Variants in ABI3BP observed in about 807,000 individuals in gnomAD.
ABI3BP encodes ABI family member 3 binding protein, also known as target of Nesh-SH3.
A neutral mutation model predicts 268.6 loss-of-function variants in ABI3BP; 216 were observed. The ratio of observed to expected loss-of-function variants is 0.80; its 90% CI spans 0.72 to 0.90. The LOEUF is 0.90. Among genes scored for constraint, ABI3BP ranks in the 40% least tolerant of loss-of-function variants. The probability of loss-of-function intolerance (pLI) is 0.00; values close to 1 mark genes in which losing one functional copy is unlikely to be tolerated. For synonymous variants in ABI3BP, 730 were observed against 730.0 expected (o/e 1.00, Z 0.00); for missense variants, 2,090 against 2,182.4 (o/e 0.96, Z 0.84).
chr3:100,831,207 G>A (rs1452763969), intron 31 of ABI3BP, among the ~76,000 whole-genome samples: 2 of 152,090 alleles, frequency 1.3e-5, no homozygotes, highest in Non-Finnish European at 1.5e-5. Flanking sequence ...AAGGTGATGG[G>A]TGTCACTCTG....
intron 9 of ABI3BP, among the ~76,000 whole-genome samples, chr3:100,869,074 T>C (rs2099081504): frequency 1.3e-5 from 2 of 152,212 alleles, no homozygotes; most frequent in South Asian, 4.1e-4. Flanking sequence ...GAATATCCCA[T>C]GTTCTCAGTG....
chr3:100,791,422 T>C (rs1560129873), intron 55 of ABI3BP, among the ~76,000 whole-genome samples: 1 of 151,942 alleles, frequency 6.6e-6, no homozygotes, highest in African/African-American at 2.4e-5. Flanking sequence ...TTTATCCTGC[T>C]TGTTGTAAAT....
chr3:100,804,348 G>T (rs2097635111), intron 51 of ABI3BP, among the ~76,000 whole-genome samples: 1 of 152,228 alleles, frequency 6.6e-6, no homozygotes, highest in South Asian at 2.1e-4. Flanking sequence ...ATAGAATAGT[G>T]ACAGGGAAAA....
At chr3:100,828,857 T>TA (rs1463112551) in intron 33 of ABI3BP, among the ~76,000 whole-genome samples, 10 of 152,138 alleles carry the variant, frequency 6.6e-5, no homozygotes, top group Non-Finnish European at 1.0e-4. Flanking sequence ...GTCTGTGGTA[T>TA]ACAGCTGGGC....
chr3:100,894,132 C>T (rs538404885), intron 4 of ABI3BP, among the ~76,000 whole-genome samples: 1 of 151,920 alleles, frequency 6.6e-6, no homozygotes, highest in Non-Finnish European at 1.5e-5. Flanking sequence ...GACACAGATG[C>T]AGATATGGGT....
intron 9 of ABI3BP, among the ~76,000 whole-genome samples, chr3:100,867,705 T>C (rs1307054686): frequency 6.7e-6 from 1 of 148,840 alleles, no homozygotes; most frequent in African/African-American, 2.5e-5. Flanking sequence ...TAATAAGTTA[T>C]GACATTGAGA....
intron 1 of ABI3BP, among the ~76,000 whole-genome samples, chr3:100,984,736 A>T (rs2091044280): frequency 6.6e-6 from 1 of 152,194 alleles, no homozygotes; most frequent in Non-Finnish European, 1.5e-5. Context: ...GTACTGATTT[A>T]GTCTTGCTGT....
intron 41 of ABI3BP, 35 bp from the exon 42 acceptor site, chr3:100,817,530 T>A: frequency 7.5e-7 from 1 of 1,335,128 alleles, no homozygotes; most frequent in South Asian, 1.5e-5. Flanking sequence ...CAAAAAGATT[T>A]AACTTGAATA....
chr3:100,871,446 G>C (rs7622350), intron 9 of ABI3BP, among the ~76,000 whole-genome samples: 3 of 151,974 alleles, frequency 2.0e-5, no homozygotes, highest in African/African-American at 4.8e-5. Context: ...ATATGGTTTG[G>C]CTGTGTCCCC....
chr3:100,956,201 A>T (rs966548403), intron 1 of ABI3BP, among the ~76,000 whole-genome samples: 6 of 135,516 alleles, frequency 4.4e-5, no homozygotes, highest in Non-Finnish European at 7.7e-5. Flanking sequence ...TCTCAAAAAA[A>T]AAAAAGAAAA....
intron 2 of ABI3BP, among the ~76,000 whole-genome samples, chr3:100,906,244 A>G (rs2053395564): frequency 6.6e-6 from 1 of 152,230 alleles, no homozygotes; most frequent in South Asian, 2.1e-4. Context: ...GATCCAAGAC[A>G]TATGGTTATA....
intron 35 of ABI3BP, 29 bp from the exon 36 acceptor site, chr3:100,824,970 C>G (rs1255536039): frequency 6.6e-7 from 1 of 1,522,128 alleles, no homozygotes; most frequent in African/African-American, 1.4e-5. Flanking sequence ...TTGTGTTACT[C>G]TAGGTCTTAT....
Position 100,971,135 on chromosome 3 carries a change from A to G in ABI3BP, c.79+22171T>C, listed in dbSNP as rs73861997. ...CATGCCTCGCAAGTGTCAGGCAAAC[A>G]TTTGTATTTCAGTTAGGAATTTCTG... On this transcript the variant is annotated intron_variant, in intron 1 of 67. Coordinates refer to ENST00000471714, the MANE Select transcript of ABI3BP (RefSeq NM_001375547.2). Among the ~76,000 whole-genome samples, 710 of 152,276 alleles carry G rather than the reference A, an allele frequency of 4.7e-3. 9 individuals are homozygous for G. Among genetic ancestry groups the G allele is most frequent in the African/African-American group, 0.015 (637 of 41,548 alleles).
chr3:100,820,221 C>T lies in ABI3BP; in HGVS notation c.3030G>A (p.Leu1010=). 2 of 1,535,622 alleles carry T rather than the reference C, an allele frequency of 1.3e-6. No individual in the cohort carries two copies. The highest frequency in any genetic ancestry group is 1.7e-6 in the Non-Finnish European group (2 of 1,146,446). Residue 1010 remains leucine (L), a splice_region_variant and synonymous_variant, in exon 40 of 68, where the codon CTG becomes CTA. Transcript: ENST00000471714. ...TPSPEVPQTK[L]VPSTDLEPGT... ...CTTTAACCAGAAACCCAAATTTACC[C>T]AGTTTGGTTTGAGGAACCTCAGGAC...
intron 1 of ABI3BP, among the ~76,000 whole-genome samples, chr3:100,951,526 T>G (rs2075016560): frequency 6.6e-6 from 1 of 151,964 alleles, no homozygotes; most frequent in Admixed American, 6.6e-5. Context: ...TTGGTTCCAG[T>G]CCTACAAGCT....
intron 1 of ABI3BP, among the ~76,000 whole-genome samples, chr3:100,928,298 G>A (rs1171466515): frequency 6.6e-6 from 1 of 152,000 alleles, no homozygotes; most frequent in Non-Finnish European, 1.5e-5. Context: ...TGAAAAGACT[G>A]CATTTACTGA....
chr3:100,809,375 T>A (rs2097790304), intron 49 of ABI3BP, among the ~76,000 whole-genome samples: 1 of 152,078 alleles, frequency 6.6e-6, no homozygotes, highest in Non-Finnish European at 1.5e-5. Flanking sequence ...TGCCACTTAC[T>A]TTGCCAGAGG....
At chr3:100,861,708 A>G (rs1181710056) in intron 14 of ABI3BP, among the ~76,000 whole-genome samples, 3 of 150,420 alleles carry the variant, frequency 2.0e-5, no homozygotes, top group African/African-American at 7.3e-5. Flanking sequence ...AAAAAAAAAA[A>G]GCCAATTGCT....
At chr3:100,772,894 C>T (rs2096590377) in intron 61 of ABI3BP, among the ~76,000 whole-genome samples, 1 of 151,852 alleles carries the variant, frequency 6.6e-6, no homozygotes, top group Admixed American at 6.6e-5. Context: ...GCCTGGCCAA[C>T]ATGGTGAAAC....
Sources: gnomAD v4.1 joint callset for allele counts (sites outside exome capture counted in the v4.1 genomes callset) on GRCh38, gnomAD v4.1.1 for gene constraint, MANE v1.5 for transcripts, NCBI Gene and HGNC (gene_info 2026-07-23, HGNC 2026-07-21) for gene names.